MSL2: variants seen among roughly 807,000 people sequenced by gnomAD.
The protein encoded by MSL2 is E3 ubiquitin-protein ligase MSL2.
In MSL2, 2 loss-of-function variants were observed where a neutral mutation model predicts 35.8. That is an observed-to-expected ratio of 0.06 (90% CI 0.02 to 0.18). The LOEUF is 0.18. Among genes scored for constraint, MSL2 ranks in the 10% least tolerant of loss-of-function variants. The pLI is 1.00. For missense variants in MSL2, 523 were observed against 706.7 expected, an observed-to-expected ratio of 0.74 and a Z score of 2.95; for synonymous variants, 296 against 255.7, an observed-to-expected ratio of 1.16 and a Z score of -1.50.
At chr3:136,168,709 C>T (rs1156859836) in intron 1 of MSL2, among the ~76,000 whole-genome samples, 3 of 151,682 alleles carry the variant, frequency 2.0e-5, no homozygotes, top group Non-Finnish European at 2.9e-5. Flanking sequence ...ACCTATGTAA[C>T]AAACCTGCAC....
At chr3:136,189,023 G>C (rs760532410) in intron 1 of MSL2, among the ~76,000 whole-genome samples, 55 of 133,830 alleles carry the variant, frequency 4.1e-4, no homozygotes, top group Non-Finnish European at 7.0e-4. Flanking sequence ...AAATATTTTA[G>C]AACTTTTATA....
rs576559064 is a variant in MSL2 at position 136,181,281 on chromosome 3, T to C, written c.142+13691A>G. On this transcript the variant is annotated intron_variant, in intron 1 of 1. Coordinates refer to ENST00000309993, the MANE Select transcript of MSL2 (RefSeq NM_018133.4). Reference sequence around the variant, plus strand: ...TGCTTCTTGTCTCTAACCGTTGATCTATTGAATGAAGTATTGAAACAATGA... The same window carrying C: ...TGCTTCTTGTCTCTAACCGTTGATCCATTGAATGAAGTATTGAAACAATGA... Among the ~76,000 whole-genome samples the C allele has an allele frequency of 8.5e-4, 129 of 152,272 alleles. 1 individual carries two copies. The highest frequency in any genetic ancestry group is 2.8e-3 in the African/African-American group (117 of 41,566).
At position 136,195,722 on chromosome 3, in the gene MSL2, A is replaced by T; in HGVS notation, c.-609T>A. The T allele has an allele frequency of 2.0e-6, 2 of 984,692 alleles. No individual in the cohort carries two copies. Among genetic ancestry groups the T allele is most frequent in the Non-Finnish European group, 2.4e-6 (2 of 829,740 alleles). 61.0% of individuals were successfully genotyped at this position (984,692 alleles called of 1,614,324 possible). ...GGCGGACGCCGCCGCCGCGCTCTCC[A>T]TATCGGACGCGGGGCCCAGACTGCG... On this transcript the variant is annotated 5_prime_UTR_variant, in exon 1 of 2. It removes an upstream start codon present in the reference 5' UTR. Transcript: ENST00000309993.
chr3:136,187,338 A>G (rs1940553593), intron 1 of MSL2, among the ~76,000 whole-genome samples: 1 of 152,112 alleles, frequency 6.6e-6, no homozygotes, highest in African/African-American at 2.4e-5. Context: ...TTCAAGCCTC[A>G]TTAAAGAATC....
At position 136,152,482 on chromosome 3, in the gene MSL2, A is replaced by G; in HGVS notation, c.399T>C (p.Leu133=). Residue 133 remains leucine, a synonymous_variant, in exon 2 of 2, where the codon CTT becomes CTC. Transcript: ENST00000309993. ...CCTCACAAAACAATGATCCATCATT[A>G]AGCAAAGCCAAAATATCAGAAGAAC... ...VDCSSDILAL[L]NDGSLFCEET... 9 of 1,614,236 alleles carry G rather than the reference A, an allele frequency of 5.6e-6. No individual in the cohort carries two copies. The highest frequency in any genetic ancestry group is 7.6e-6 in the Non-Finnish European group (9 of 1,180,036).
intron 1 of MSL2, among the ~76,000 whole-genome samples, chr3:136,188,542 G>C (rs1036618314): frequency 6.6e-6 from 1 of 151,966 alleles, no homozygotes; most frequent in Non-Finnish European, 1.5e-5. Flanking sequence ...CTCAGGCCAG[G>C]AATTCAAGAC....
chr3:136,173,715 T>C (rs1427005349), intron 1 of MSL2, among the ~76,000 whole-genome samples: 1 of 152,230 alleles, frequency 6.6e-6, no homozygotes, highest in Non-Finnish European at 1.5e-5. Flanking sequence ...ATGATCTTTC[T>C]AAAACACAAG....
intron 1 of MSL2, among the ~76,000 whole-genome samples, chr3:136,172,875 C>A (rs1421176332): frequency 6.6e-6 from 1 of 152,058 alleles, no homozygotes; most frequent in Non-Finnish European, 1.5e-5. Context: ...TTAAAACTGA[C>A]CTACGGGGCC....
intron 1 of MSL2, among the ~76,000 whole-genome samples, chr3:136,175,996 A>G (rs575150450): frequency 1.3e-5 from 2 of 151,128 alleles, no homozygotes; most frequent in South Asian, 4.3e-4. Context: ...AAAGATGTCG[A>G]GTATGTTTCC....
chr3:136,189,716 CGTCT>C (rs1940629222), intron 1 of MSL2, among the ~76,000 whole-genome samples: 1 of 132,152 alleles, frequency 7.6e-6, no homozygotes, highest in African/African-American at 2.9e-5. Flanking sequence ...AGCGAGACGC[CGTCT>C]CAAAAAAAAA....
chr3:136,171,785 G>A (rs2108077080), intron 1 of MSL2, among the ~76,000 whole-genome samples: 1 of 152,310 alleles, frequency 6.6e-6, no homozygotes, highest in South Asian at 2.1e-4. Flanking sequence ...GGTCTATAAA[G>A]GGTGTATCAA....
At chr3:136,182,490 T>C (rs1940396859) in intron 1 of MSL2, among the ~76,000 whole-genome samples, 1 of 152,158 alleles carries the variant, frequency 6.6e-6, no homozygotes, top group South Asian at 2.1e-4. Context: ...TCCTAGCTTA[T>C]TGCCTGGGAA....
At chr3:136,159,793 G>C (rs527485077) in intron 1 of MSL2, among the ~76,000 whole-genome samples, 10 of 152,070 alleles carry the variant, frequency 6.6e-5, no homozygotes, top group South Asian at 4.1e-4. Flanking sequence ...AAACCTAAAT[G>C]TAAGAGCTAA....
intron 1 of MSL2, among the ~76,000 whole-genome samples, chr3:136,173,293 T>TC (rs1940081241): frequency 6.6e-6 from 1 of 152,138 alleles, no homozygotes; most frequent in South Asian, 2.1e-4. Context: ...CAAATCTTTC[T>TC]CCCCTGAACT....
At chr3:136,170,906 G>A (rs1240198897) in intron 1 of MSL2, among the ~76,000 whole-genome samples, 1 of 152,108 alleles carries the variant, frequency 6.6e-6, no homozygotes, top group South Asian at 2.1e-4. Flanking sequence ...AGGTAAAAAT[G>A]AGGTAGCAGA....
At chr3:136,155,990 A>G in intron 1 of MSL2, 1 of 377,060 alleles carries the variant, frequency 2.7e-6, no homozygotes, top group South Asian at 2.2e-5. Flanking sequence ...ATACATTTCC[A>G]TAATGGTCTC....
chr3:136,193,010 A>G (rs996665343), intron 1 of MSL2, among the ~76,000 whole-genome samples: 1 of 152,214 alleles, frequency 6.6e-6, no homozygotes, highest in African/African-American at 2.4e-5. Context: ...CAGCTACTCA[A>G]TCATAAGGGA....
At chr3:136,178,006 C>T (rs149445979) in intron 1 of MSL2, among the ~76,000 whole-genome samples, 88 of 151,948 alleles carry the variant, frequency 5.8e-4, no homozygotes, top group African/African-American at 2.0e-3. Flanking sequence ...GCACTTTTGA[C>T]GAATAAGTTT....
chr3:136,160,356 AGG>A (rs1193338525), intron 1 of MSL2, among the ~76,000 whole-genome samples: 2 of 22,692 alleles, frequency 8.8e-5, no homozygotes, highest in Non-Finnish European at 1.6e-4. Context: ...GGAGGGAGGG[AGG>A]GAGGGAGGGA....
Sources: gnomAD v4.1 joint callset for allele counts (sites outside exome capture counted in the v4.1 genomes callset) on GRCh38, gnomAD v4.1.1 for gene constraint, MANE v1.5 for transcripts, NCBI Gene and HGNC (gene_info 2026-07-23, HGNC 2026-07-21) for gene names.